The following ANGPT1 variants were observed in gnomAD, a reference collection of about 807,000 sequenced individuals.
ANGPT1 encodes angiopoietin-1.
In ANGPT1, 17 loss-of-function variants were observed where a neutral mutation model predicts 62.2. The ratio of observed to expected loss-of-function variants is 0.27; its 90% CI spans 0.19 to 0.41. The LOEUF is 0.41. Among genes scored for constraint, ANGPT1 ranks in the 10% least tolerant of loss-of-function variants. The pLI is 1.00. For synonymous variants in ANGPT1, 199 were observed against 198.9 expected, an observed-to-expected ratio of 1.00 and a Z score of 0.00; for missense variants, 478 against 594.9, an observed-to-expected ratio of 0.80 and a Z score of 2.04.
intron 4 of ANGPT1, among the ~76,000 whole-genome samples, chr8:107,321,607 T>C (rs895140898): frequency 4.6e-5 from 7 of 152,154 alleles, no homozygotes; most frequent in African/African-American, 1.7e-4. Flanking sequence ...CAATTATTTA[T>C]TCACGACAGT....
At chr8:107,319,809 T>A (rs993280286) in intron 4 of ANGPT1, among the ~76,000 whole-genome samples, 2 of 152,084 alleles carry the variant, frequency 1.3e-5, no homozygotes, top group Non-Finnish European at 2.9e-5. Flanking sequence ...GTGTCTCTTA[T>A]GAGTTCTAAA....
At chr8:107,359,577 C>G (rs1816117128) in intron 1 of ANGPT1, among the ~76,000 whole-genome samples, 1 of 152,180 alleles carries the variant, frequency 6.6e-6, no homozygotes, top group Admixed American at 6.6e-5. Context: ...AACTTCCTAG[C>G]AGCATTCCAT....
At chr8:107,402,209 T>G (rs1443171601) in intron 1 of ANGPT1, among the ~76,000 whole-genome samples, 2 of 152,194 alleles carry the variant, frequency 1.3e-5, no homozygotes, top group Non-Finnish European at 2.9e-5. Flanking sequence ...AAACTCATTT[T>G]TTAACGCACT....
At chr8:107,458,207 T>C (rs750554749) in intron 1 of ANGPT1, among the ~76,000 whole-genome samples, 95 of 152,270 alleles carry the variant, frequency 6.2e-4, no homozygotes, top group African/African-American at 2.2e-3. Flanking sequence ...ATTGGGCATT[T>C]TATGATCACA....
At chr8:107,274,641 T>G (rs1813816959) in intron 7 of ANGPT1, among the ~76,000 whole-genome samples, 1 of 152,104 alleles carries the variant, frequency 6.6e-6, no homozygotes. Context: ...TTAGAAATCT[T>G]AGTGGCAACT....
chr8:107,441,044 T>C (rs1268121764), intron 1 of ANGPT1, among the ~76,000 whole-genome samples: 2 of 146,274 alleles, frequency 1.4e-5, no homozygotes, highest in African/African-American at 4.9e-5. Context: ...AATCACTCAA[T>C]CATTATCTTG....
intron 8 of ANGPT1, 80 bp from the exon 9 acceptor site, chr8:107,252,095 T>A: frequency 2.7e-6 from 4 of 1,455,922 alleles, no homozygotes; most frequent in Non-Finnish European, 3.8e-6. Context: ...ATTAATGGCA[T>A]TAAATGATGG....
chr8:107,477,641 C>A (rs942552456), intron 1 of ANGPT1, among the ~76,000 whole-genome samples: 1 of 152,142 alleles, frequency 6.6e-6, no homozygotes, highest in African/African-American at 2.4e-5. Flanking sequence ...ATCTCTCTCT[C>A]AAGTATTTAT....
chr8:107,334,312 C>A (rs1815509036), intron 3 of ANGPT1, among the ~76,000 whole-genome samples: 1 of 152,084 alleles, frequency 6.6e-6, no homozygotes, highest in Non-Finnish European at 1.5e-5. Flanking sequence ...TGGATTCAAA[C>A]CACCTTAGGT....
At chr8:107,264,754 T>C (rs1030501776) in intron 7 of ANGPT1, among the ~76,000 whole-genome samples, 13 of 152,322 alleles carry the variant, frequency 8.5e-5, no homozygotes, top group Non-Finnish European at 1.8e-4. Flanking sequence ...GTTTCATTGA[T>C]TGGGGATTTC....
At chr8:107,377,899 C>A (rs1816560116) in intron 1 of ANGPT1, among the ~76,000 whole-genome samples, 1 of 144,280 alleles carries the variant, frequency 6.9e-6, no homozygotes, top group South Asian at 2.3e-4. Flanking sequence ...ATTTACCACC[C>A]AAAATAAACT....
chr8:107,446,387 C>A (rs1308953162), intron 1 of ANGPT1, among the ~76,000 whole-genome samples: 3 of 152,092 alleles, frequency 2.0e-5, no homozygotes, highest in African/African-American at 7.2e-5. Context: ...GGACAATAGC[C>A]CCATGTGGCT....
chr8:107,442,083 C>T (rs1184680729), intron 1 of ANGPT1, among the ~76,000 whole-genome samples: 1 of 150,000 alleles, frequency 6.7e-6, no homozygotes. Context: ...CACTCCGTCT[C>T]AAAAAAAAAG....
At chr8:107,450,939 T>C (rs1255053017) in intron 1 of ANGPT1, among the ~76,000 whole-genome samples, 1 of 151,860 alleles carries the variant, frequency 6.6e-6, no homozygotes, top group African/African-American at 2.4e-5. Flanking sequence ...ATATTGCAGA[T>C]GAGGCAATGT....
rs886959721 is a variant in ANGPT1, at chr8:107,383,968, G to T, written c.298-36871C>A. 3.3e-5 allele frequency among the ~76,000 whole-genome samples: 5 copies of T among 152,190 alleles called. No individual in the cohort carries two copies. In the South Asian group the frequency reaches 6.2e-4, roughly 19 times the overall value. ...GGAGACACATTAGGCACCTGTAGCT[G>T]ATATTATTCATCTAAACTTACTCTT... On this transcript the variant is annotated intron_variant, in intron 1 of 8. Transcript: ENST00000517746.
intron 2 of ANGPT1, among the ~76,000 whole-genome samples, chr8:107,339,873 G>A (rs1439761451): frequency 6.6e-6 from 1 of 152,192 alleles, no homozygotes; most frequent in African/African-American, 2.4e-5. Flanking sequence ...TAAATCTAGA[G>A]CAGCATCTGA....
intron 1 of ANGPT1, among the ~76,000 whole-genome samples, chr8:107,368,024 T>G (rs1413253742): frequency 6.6e-6 from 1 of 152,180 alleles, no homozygotes; most frequent in East Asian, 1.9e-4. Context: ...GCTTCTAGAA[T>G]AGTGAATCCT....
chr8:107,416,231 T>A (rs909188351), intron 1 of ANGPT1, among the ~76,000 whole-genome samples: 5 of 152,176 alleles, frequency 3.3e-5, no homozygotes, highest in African/African-American at 1.2e-4. Context: ...AGTTAGGGCC[T>A]CTGGAACTTC....
intron 1 of ANGPT1, among the ~76,000 whole-genome samples, chr8:107,445,212 A>G (rs1811585656): frequency 6.6e-6 from 1 of 152,200 alleles, no homozygotes; most frequent in Admixed American, 6.5e-5. Context: ...TTGCCACTAG[A>G]TTATAACATA....
Sources: gnomAD v4.1 joint callset for allele counts (sites outside exome capture counted in the v4.1 genomes callset) on GRCh38, gnomAD v4.1.1 for gene constraint, MANE v1.5 for transcripts, NCBI Gene and HGNC (gene_info 2026-07-23, HGNC 2026-07-21) for gene names.